Variants in RDX observed in about 807,000 individuals in gnomAD.
The protein encoded by RDX is radixin, also known as deafness, autosomal recessive 24.
In RDX, 32 loss-of-function variants were observed where a neutral mutation model predicts 83.7. The ratio of observed to expected loss-of-function variants is 0.38; its 90% CI spans 0.29 to 0.51. The LOEUF (loss-of-function observed/expected upper bound fraction) is 0.51. Ranked by LOEUF, RDX falls within the 20% of genes least tolerant of loss-of-function variation. RDX has a pLI of 0.87. For missense variants in RDX, 600 were observed against 689.9 expected (o/e 0.87, Z 1.46); for synonymous variants, 229 against 222.7 (o/e 1.03, Z -0.25).
At chr11:110,176,757 G>A (rs186145996) in intron 15 of RDX, among the ~76,000 whole-genome samples, 1 of 152,334 alleles carries the variant, frequency 6.6e-6, no homozygotes, top group East Asian at 1.9e-4. Context: ...CAGGAAGTTA[G>A]AGGGGGATTG....
chr11:110,296,219 T>G (rs1861451881), intron 1 of RDX, among the ~76,000 whole-genome samples: 2 of 151,946 alleles, frequency 1.3e-5, no homozygotes, highest in South Asian at 4.1e-4. Context: ...GCCAGGCACG[T>G]TCGGGCCGCG....
chr11:110,254,740 G>A (rs1859476583), intron 8 of RDX, among the ~76,000 whole-genome samples: 1 of 152,062 alleles, frequency 6.6e-6, no homozygotes, highest in African/African-American at 2.4e-5. Flanking sequence ...GCCTCCCAAA[G>A]TGCTGGGATT....
chr11:110,194,042 C>T (rs770135233), intron 15 of RDX, among the ~76,000 whole-genome samples: 4 of 152,356 alleles, frequency 2.6e-5, no homozygotes, highest in African/African-American at 7.2e-5. Context: ...CAGCGGCCCA[C>T]GCTGTGCCCT....
intron 3 of RDX, among the ~76,000 whole-genome samples, chr11:110,267,840 G>A (rs1443158570): frequency 2.6e-5 from 4 of 151,364 alleles, no homozygotes; most frequent in African/African-American, 4.9e-5. Context: ...TGTAGTTCTA[G>A]CTAATCAGGA....
At chr11:110,280,766 T>G (rs1014425165) in intron 1 of RDX, among the ~76,000 whole-genome samples, 1 of 152,200 alleles carries the variant, frequency 6.6e-6, no homozygotes, top group Non-Finnish European at 1.5e-5. Flanking sequence ...TGGCTGAAGC[T>G]GCAGTGAGCG....
At chr11:110,243,718 AG>A (rs1395496104) in intron 10 of RDX, among the ~76,000 whole-genome samples, 1 of 152,062 alleles carries the variant, frequency 6.6e-6, no homozygotes, top group Middle Eastern at 3.2e-3. Flanking sequence ...ACCTTGTCTC[AG>A]GAAAAAAAAA....
At chr11:110,193,558 T>C (rs1410853083) in intron 15 of RDX, among the ~76,000 whole-genome samples, 1 of 152,056 alleles carries the variant, frequency 6.6e-6, no homozygotes, top group Non-Finnish European at 1.5e-5. Context: ...AATAAACTAT[T>C]TTCTCCTCTC....
At chr11:110,272,643 A>G (rs375686830) in intron 2 of RDX, 24 bp from the exon 3 acceptor site, 204 of 1,508,666 alleles carry the variant, frequency 1.4e-4, no homozygotes, top group Non-Finnish European at 1.8e-4. Context: ...AAAAGGAATA[A>G]TAAGTAGAAG....
rs1208146136 is a variant in RDX at position 110,254,186 on chromosome 11, CATG to C, written c.796-80_796-78del. On this transcript the variant is annotated intron_variant, in intron 8 of 13. Coordinates refer to ENST00000645495, the MANE Select transcript of RDX (RefSeq NM_002906.4). ...CATAACAATCTGTACTAAATTTTAA[CATG>C]AGGTATGAATTTTAATGTCATATTA... The C allele has an allele frequency of 2.5e-5, 31 of 1,225,066 alleles. 1 individual carries two copies. The highest frequency in any genetic ancestry group is 1.4e-4 in the South Asian group (11 of 78,558). 75.9% of individuals were successfully genotyped at this position (1,225,066 alleles called of 1,614,324 possible).
rs1860140444 is a variant in RDX at position 110,268,285 on chromosome 11, G to A, written c.97-3411C>T. The stretch of plus-strand genomic sequence containing the variant: ...TATCGCACCACTGTACTCCAGCCTG[G>A]GTGACAGAGTAAGACTCTGTTTCGG... On this transcript the variant is annotated intron_variant, in intron 3 of 13. Coordinates refer to ENST00000645495, the MANE Select transcript of RDX (RefSeq NM_002906.4). 2.7e-5 allele frequency among the ~76,000 whole-genome samples: 4 copies of A among 150,942 alleles called. 1 individual carries two copies. The South Asian group carries it at 8.4e-4, about 32-fold the overall frequency.
chr11:110,177,240 C>T (rs1033023197), intron 15 of RDX, among the ~76,000 whole-genome samples: 8 of 152,232 alleles, frequency 5.3e-5, no homozygotes, highest in Admixed American at 3.9e-4. Context: ...CCTGAGGCCG[C>T]GACAGTGCGA....
At chr11:110,285,897 A>G (rs1215004223) in intron 1 of RDX, among the ~76,000 whole-genome samples, 1 of 151,916 alleles carries the variant, frequency 6.6e-6, no homozygotes, top group Non-Finnish European at 1.5e-5. Context: ...CTGGTCTTTC[A>G]AGTCTTTCTT....
chr11:110,228,462 G>A (rs1333787294), downstream of RDX, among the ~76,000 whole-genome samples: 1 of 151,934 alleles, frequency 6.6e-6, no homozygotes, highest in Non-Finnish European at 1.5e-5. Context: ...GCTCCACACT[G>A]AACTGTTTTC....
At chr11:110,266,943 G>C (rs2134389133) in intron 3 of RDX, among the ~76,000 whole-genome samples, 1 of 152,038 alleles carries the variant, frequency 6.6e-6, no homozygotes, top group African/African-American at 2.4e-5. Context: ...CTGTCACCCA[G>C]GCTGGAGTGC....
At chr11:110,296,349 G>A (rs1037808913) in intron 1 of RDX, 118 bp downstream of exon 1, 4 of 151,728 alleles carry the variant, frequency 2.6e-5, no homozygotes, top group African/African-American at 7.3e-5. Flanking sequence ...GGCGCGCCAA[G>A]CCCTGGCGGC....
chr11:110,179,965 A>G (rs546912000), intron 15 of RDX: 23 of 371,976 alleles, frequency 6.2e-5, no homozygotes, highest in Non-Finnish European at 1.1e-4. Flanking sequence ...GTAGTGGTGC[A>G]ATCTCAGCTC....
chr11:110,205,121 G>A (rs895301126), intron 14 of RDX, among the ~76,000 whole-genome samples: 4 of 151,996 alleles, frequency 2.6e-5, no homozygotes, highest in East Asian at 1.9e-4. Context: ...GAAAGAAATG[G>A]CAATGGGATC....
intron 10 of RDX, among the ~76,000 whole-genome samples, chr11:110,241,662 C>T (rs1865104898): frequency 6.6e-6 from 1 of 152,158 alleles, no homozygotes; most frequent in African/African-American, 2.4e-5. Flanking sequence ...CCACAAAGCT[C>T]ATGGTTTTAT....
chr11:110,238,012 C>T (rs1489045505), intron 10 of RDX: 8 of 206,920 alleles, frequency 3.9e-5, no homozygotes, highest in Admixed American at 1.1e-4. Flanking sequence ...GCTACAAGCA[C>T]GTAACTATTT....
Sources: allele counts gnomAD v4.1 joint callset (sites outside exome capture counted in the v4.1 genomes callset), GRCh38; gene constraint gnomAD v4.1.1; transcripts MANE v1.5; gene names NCBI Gene and HGNC (gene_info 2026-07-23, HGNC 2026-07-21).